The following BRD10 variants were observed in gnomAD, a reference collection of about 807,000 sequenced individuals.
BRD10 encodes the protein uncharacterized bromodomain-containing protein 10.
the BRD10 span, among the ~76,000 whole-genome samples, chr9:5,996,799 G>C: frequency 9.9e-5 from 15 of 152,124 alleles, no homozygotes; most frequent in African/African-American, 2.9e-4. Context: ...TAGTAAGTTA[G>C]GGCTGCTCTG....
chr9:5,931,765 G>A, the BRD10 span, among the ~76,000 whole-genome samples: 5 of 152,132 alleles, frequency 3.3e-5, no homozygotes, highest in African/African-American at 1.2e-4. Context: ...GCTTTGTCTA[G>A]CAGATACATA....
chr9:5,994,343 G>A, the BRD10 span, among the ~76,000 whole-genome samples: 1 of 152,150 alleles, frequency 6.6e-6, no homozygotes, highest in Admixed American at 6.5e-5. Context: ...TGAGAAGCCA[G>A]ATCATGAAAG....
the BRD10 span, chr9:6,008,197 GT>G: frequency 1.0e-6 from 1 of 973,872 alleles, no homozygotes; most frequent in Non-Finnish European, 1.2e-6. Flanking sequence ...GAGGAAGGGG[GT>G]TCTCCTCTCC....
chr9:5,964,382 C>G, the BRD10 span, among the ~76,000 whole-genome samples: 2 of 152,008 alleles, frequency 1.3e-5, no homozygotes, highest in Non-Finnish European at 2.9e-5. Flanking sequence ...TTTAGAATGG[C>G]AATCATTCAA....
chr9:6,006,588 CT>C, the BRD10 span, among the ~76,000 whole-genome samples: 1 of 152,132 alleles, frequency 6.6e-6, no homozygotes, highest in African/African-American at 2.4e-5. Context: ...AATGTATAAA[CT>C]TTAAAAAATG....
At chr9:5,989,626 C>A in the BRD10 span, among the ~76,000 whole-genome samples, 1 of 150,572 alleles carries the variant, frequency 6.6e-6, no homozygotes. Context: ...CCTCCCTGGG[C>A]TCAGGTGATC....
chr9:5,958,681 G>C, the BRD10 span, among the ~76,000 whole-genome samples: 88,993 of 152,136 alleles, frequency 0.58, 27,748 homozygotes, highest in Non-Finnish European at 0.72. Context: ...TGCTTTCCTA[G>C]ATTTAGCCTT....
At chr9:5,898,564 C>G in the BRD10 span, among the ~76,000 whole-genome samples, 5 of 152,254 alleles carry the variant, frequency 3.3e-5, no homozygotes, top group African/African-American at 1.2e-4. Flanking sequence ...CTACTCATAG[C>G]AGACTTGGGT....
chr9:5,999,420 A>T, the BRD10 span, among the ~76,000 whole-genome samples: 134,793 of 152,138 alleles, frequency 0.89, 60,779 homozygotes, highest in Non-Finnish European at 0.99. Context: ...CAAACGCAAT[A>T]CTTTTAACTC....
the BRD10 span, among the ~76,000 whole-genome samples, chr9:5,926,659 G>A: frequency 2.0e-5 from 3 of 152,082 alleles, no homozygotes; most frequent in South Asian, 6.2e-4. Context: ...AGCCTCCTGA[G>A]TAGCTGGGAC....
chr9:5,896,388 T>G, the BRD10 span, among the ~76,000 whole-genome samples: 1 of 152,214 alleles, frequency 6.6e-6, no homozygotes, highest in Non-Finnish European at 1.5e-5. Context: ...TGGACTGACC[T>G]ACATAAGTCA....
At chr9:5,892,428 G>A in the BRD10 span, 1 of 1,568,214 alleles carries the variant, frequency 6.4e-7, no homozygotes, top group Non-Finnish European at 8.7e-7. Flanking sequence ...CATTAATGAT[G>A]CCCACATGCT....
At chr9:5,886,238 C>T in the BRD10 span, among the ~76,000 whole-genome samples, 1 of 152,218 alleles carries the variant, frequency 6.6e-6, no homozygotes, top group Non-Finnish European at 1.5e-5. Context: ...AGAGGCATCT[C>T]TGGCCCCTTC....
At chr9:5,979,871 C>T in the BRD10 span, among the ~76,000 whole-genome samples, 1 of 151,668 alleles carries the variant, frequency 6.6e-6, no homozygotes, top group Non-Finnish European at 1.5e-5. Flanking sequence ...CAAACATTAG[C>T]TGGGCATAGT....
At chr9:5,937,852 T>C in the BRD10 span, among the ~76,000 whole-genome samples, 2 of 152,242 alleles carry the variant, frequency 1.3e-5, no homozygotes, top group Non-Finnish European at 2.9e-5. Context: ...TGAATGAAGA[T>C]AATGCATTCT....
At chr9:5,982,521 A>G in the BRD10 span, among the ~76,000 whole-genome samples, 1 of 152,214 alleles carries the variant, frequency 6.6e-6, no homozygotes, top group African/African-American at 2.4e-5. Context: ...TGATGGCTTT[A>G]TAAAAAGAAG....
chr9:5,911,345 C>G, the BRD10 span, among the ~76,000 whole-genome samples: 2 of 147,276 alleles, frequency 1.4e-5, no homozygotes, highest in African/African-American at 2.5e-5. Flanking sequence ...TGAAAATGAG[C>G]TCACTGTAAT....
the BRD10 span, among the ~76,000 whole-genome samples, chr9:5,924,997 T>A: frequency 6.6e-6 from 1 of 152,232 alleles, no homozygotes; most frequent in African/African-American, 2.4e-5. Flanking sequence ...GATGCTTAGT[T>A]CAGTCTTGCC....
chr9:5,933,898 G>C, the BRD10 span: 1 of 464,770 alleles, frequency 2.2e-6, no homozygotes, highest in African/African-American at 2.0e-5. Context: ...AGGAAAAAAA[G>C]AGGGACATAA....
Sources: allele counts gnomAD v4.1 joint callset (sites outside exome capture counted in the v4.1 genomes callset), GRCh38; gene constraint gnomAD v4.1.1; transcripts MANE v1.5; gene names NCBI Gene and HGNC (gene_info 2026-07-23, HGNC 2026-07-21).